Variants in RGL1 observed in about 807,000 individuals in gnomAD.
The protein encoded by RGL1 is ral guanine nucleotide dissociation stimulator like 1.
Under a neutral mutation model 95.2 loss-of-function variants are expected in RGL1, and 24 were observed. That is an observed-to-expected ratio of 0.25 (90% CI 0.18 to 0.35). The LOEUF is 0.35. RGL1 is among the 10% of genes least tolerant of loss of function. RGL1 has a pLI of 1.00. For synonymous variants in RGL1, 329 were observed against 344.9 expected (o/e 0.95, Z 0.51); for missense variants, 715 against 936.3 (o/e 0.76, Z 3.08).
upstream of RGL1, among the ~76,000 whole-genome samples, chr1:183,804,019 T>G (rs376765709): frequency 6.6e-6 from 1 of 152,234 alleles, no homozygotes; most frequent in Non-Finnish European, 1.5e-5. Flanking sequence ...GAATGACTTG[T>G]AGATGTTCTC....
At chr1:183,669,704 A>G (rs985041691) in intron 1 of RGL1, among the ~76,000 whole-genome samples, 6 of 152,220 alleles carry the variant, frequency 3.9e-5, no homozygotes, top group African/African-American at 1.4e-4. Flanking sequence ...TGCTATGAAG[A>G]AATACCTGAG....
intron 5 of RGL1, among the ~76,000 whole-genome samples, chr1:183,881,514 G>A (rs554114034): frequency 1.3e-5 from 2 of 152,330 alleles, no homozygotes; most frequent in Non-Finnish European, 2.9e-5. Context: ...GAAAGAGGCT[G>A]GGACAGGCTT....
In RGL1 at chr1:183,870,361, T is replaced by G. The variant is rs867839451; in HGVS notation, c.425+4288T>G. ...GGTAGGTGTCTTCCGGCCAGGGTAG[T>G]TGTCTTCCGGCCAGGGTAGGTGTCT... On this transcript the variant is annotated intron_variant, in intron 4 of 17. Coordinates refer to ENST00000360851, the MANE Select transcript of RGL1 (RefSeq NM_001297671.3). Among the ~76,000 whole-genome samples, 7 of 83,672 alleles carry G rather than the reference T, an allele frequency of 8.4e-5. No individual in the cohort carries two copies. The East Asian group carries it at 1.3e-3, about 16-fold the overall frequency. 54.9% of individuals were successfully genotyped at this position (83,672 alleles called of 152,430 possible).
At chr1:183,768,650 A>G (rs1454258506) in intron 2 of RGL1, among the ~76,000 whole-genome samples, 4 of 151,772 alleles carry the variant, frequency 2.6e-5, no homozygotes, top group Admixed American at 6.6e-5. Context: ...GAAAAAAAAA[A>G]TTGTAGAGAT....
rs1162195755 is a variant in RGL1 at position 183,868,443 on chromosome 1, C to A, written c.425+2370C>A. ...TAGAGCCTTCTCGCTCAAAGTGTGA[C>A]CGTGGACCTATAGCATCAGCATCTC... On this transcript the variant is annotated intron_variant, in intron 4 of 17. Coordinates refer to ENST00000360851, the MANE Select transcript of RGL1 (RefSeq NM_001297671.3). 6.6e-5 allele frequency among the ~76,000 whole-genome samples: 10 copies of A among 152,136 alleles called. No homozygotes were observed. The East Asian group carries it at 1.9e-3, about 29-fold the overall frequency.
At chr1:183,652,112 A>G (rs188929993) in intron 1 of RGL1, among the ~76,000 whole-genome samples, 8 of 152,314 alleles carry the variant, frequency 5.3e-5, no homozygotes, top group African/African-American at 1.9e-4. Flanking sequence ...TGTCTTTATT[A>G]CTATTTCTTA....
At chr1:183,897,972 C>G in intron 10 of RGL1, 75 bp downstream of exon 10, 1 of 1,229,804 alleles carries the variant, frequency 8.1e-7, no homozygotes, top group Non-Finnish European at 1.2e-6. Context: ...CCACATGGCA[C>G]TGGCACCTTC....
intron 2 of RGL1, among the ~76,000 whole-genome samples, chr1:183,816,039 C>T (rs750764116): frequency 6.6e-5 from 10 of 152,132 alleles, no homozygotes; most frequent in Non-Finnish European, 1.2e-4. Flanking sequence ...GAGGAAGGAA[C>T]AATCATGGCA....
At chr1:183,793,048 C>T (rs187024220) in intron 2 of RGL1, among the ~76,000 whole-genome samples, 2 of 152,122 alleles carry the variant, frequency 1.3e-5, no homozygotes, top group Admixed American at 1.3e-4. Context: ...ATACTACAAA[C>T]CTATAGTAAC....
intron 10 of RGL1, among the ~76,000 whole-genome samples, chr1:183,898,500 C>T (rs981456602): frequency 1.3e-5 from 2 of 152,302 alleles, no homozygotes; most frequent in Admixed American, 1.3e-4. Context: ...AAACTTCTGA[C>T]TGTTAGCATA....
intron 2 of RGL1, among the ~76,000 whole-genome samples, chr1:183,825,923 G>A (rs547183735): frequency 3.3e-5 from 5 of 152,286 alleles, no homozygotes; most frequent in East Asian, 3.9e-4. Context: ...AGCACTTTGG[G>A]AGGCTGAGGT....
chr1:183,657,545 GT>G (rs1431107473), intron 1 of RGL1, among the ~76,000 whole-genome samples: 1 of 151,890 alleles, frequency 6.6e-6, no homozygotes, highest in Non-Finnish European at 1.5e-5. Flanking sequence ...GCAGTGTTTG[GT>G]TTTTTGTCCT....
At chr1:183,912,860 T>C (rs1022282613) in intron 15 of RGL1, among the ~76,000 whole-genome samples, 5 of 152,206 alleles carry the variant, frequency 3.3e-5, no homozygotes, top group Non-Finnish European at 7.3e-5. Context: ...CGCAAGCATA[T>C]GTCAAGCCTT....
intron 4 of RGL1, among the ~76,000 whole-genome samples, chr1:183,879,771 C>T (rs1039831847): frequency 1.3e-5 from 2 of 152,204 alleles, no homozygotes; most frequent in Non-Finnish European, 2.9e-5. Context: ...AACATTTTAT[C>T]CTTTTTATCC....
At chr1:183,727,379 A>T (rs145686258) in intron 1 of RGL1, among the ~76,000 whole-genome samples, 6 of 152,056 alleles carry the variant, frequency 3.9e-5, no homozygotes, top group Non-Finnish European at 1.5e-5. Context: ...CCTCAATCTC[A>T]TAAAAGGCTG....
upstream of RGL1, among the ~76,000 whole-genome samples, chr1:183,804,207 T>TA (rs1030846191): frequency 2.6e-5 from 4 of 151,616 alleles, no homozygotes; most frequent in African/African-American, 9.7e-5. Context: ...TATTTTTTTT[T>TA]TTATTTGAAG....
chr1:183,831,862 A>G (rs1354225222), intron 2 of RGL1, among the ~76,000 whole-genome samples: 1 of 152,232 alleles, frequency 6.6e-6, no homozygotes, highest in African/African-American at 2.4e-5. Flanking sequence ...TTAAATAAAT[A>G]CAACCTAATA....
chr1:183,707,131 G>T (rs1654964840), intron 1 of RGL1, among the ~76,000 whole-genome samples: 1 of 152,170 alleles, frequency 6.6e-6, no homozygotes, highest in Non-Finnish European at 1.5e-5. Flanking sequence ...GCCCTGTCTT[G>T]ATAATCCCAG....
chr1:183,743,063 G>C (rs1657410852), intron 2 of RGL1, among the ~76,000 whole-genome samples: 1 of 152,146 alleles, frequency 6.6e-6, no homozygotes, highest in Admixed American at 6.6e-5. Context: ...CCAGGCTAGA[G>C]TGCAGTGGCA....
Sources: allele counts gnomAD v4.1 joint callset (sites outside exome capture counted in the v4.1 genomes callset), GRCh38; gene constraint gnomAD v4.1.1; transcripts MANE v1.5; gene names NCBI Gene and HGNC (gene_info 2026-07-23, HGNC 2026-07-21).